SEPTIN9: variants seen among roughly 807,000 people sequenced by gnomAD.
SEPTIN9 encodes septin-9.
A neutral mutation model predicts 56.6 loss-of-function variants in SEPTIN9; 13 were observed. The observed-to-expected ratio is 0.23, with a 90% confidence interval of 0.15 to 0.37. The LOEUF is 0.37. Among genes scored for constraint, SEPTIN9 ranks in the 10% least tolerant of loss-of-function variants. The probability of loss-of-function intolerance (pLI) is 1.00; values close to 1 mark genes in which losing one functional copy is unlikely to be tolerated. For missense variants in SEPTIN9, 650 were observed against 823.1 expected (o/e 0.79, Z 2.57); for synonymous variants, 332 against 334.1 (o/e 0.99, Z 0.07).
At chr17:77,357,774 C>T (rs1381926004) in intron 2 of SEPTIN9, among the ~76,000 whole-genome samples, 2 of 152,152 alleles carry the variant, frequency 1.3e-5, no homozygotes, top group African/African-American at 4.8e-5. Context: ...ACCACCACAC[C>T]CAGCTTCATT....
In SEPTIN9 at chr17:77,326,681, T is replaced by C. The variant is rs912571405; in HGVS notation, c.76+19484T>C. 6.6e-6 allele frequency among the ~76,000 whole-genome samples: 1 copy of C among 152,176 alleles called. No individual in the cohort carries two copies. Among genetic ancestry groups the C allele is most frequent in the African/African-American group, 2.4e-5 (1 of 41,446 alleles). On this transcript the variant is annotated intron_variant, in intron 2 of 11. Transcript: ENST00000427177. The surrounding 1 kb of genome is among the most constrained non-coding windows in gnomAD (Gnocchi z 5.1). ...CCTAAAATCCTTGGAATCTCCAAAG[T>C]GATGTCTTTTTGGATGCTCATGATT...
At chr17:77,397,822 TG>T (rs1330148018) in intron 2 of SEPTIN9, among the ~76,000 whole-genome samples, 3 of 151,802 alleles carry the variant, frequency 2.0e-5, no homozygotes, top group African/African-American at 7.3e-5. Context: ...GCTAATTTTT[TG>T]TGTTTTTAGT....
intron 2 of SEPTIN9, among the ~76,000 whole-genome samples, chr17:77,390,686 C>T (rs1322182957): frequency 6.6e-6 from 1 of 152,036 alleles, no homozygotes; most frequent in Non-Finnish European, 1.5e-5. Context: ...CTCCTGACCT[C>T]GTGATCTGCC....
intron 3 of SEPTIN9, among the ~76,000 whole-genome samples, chr17:77,477,468 G>T (rs773588466): frequency 7.2e-5 from 11 of 152,210 alleles, no homozygotes; most frequent in East Asian, 1.9e-4. Context: ...GCGCACGCTC[G>T]TGCCTTTTTA....
At chr17:77,311,617 T>C (rs535922827) in intron 2 of SEPTIN9, among the ~76,000 whole-genome samples, 2 of 152,266 alleles carry the variant, frequency 1.3e-5, no homozygotes, top group East Asian at 3.9e-4. Context: ...CTCCTGACAA[T>C]TGGCTGTCAC....
At chr17:77,409,417 C>G (rs1367416046) in intron 3 of SEPTIN9, among the ~76,000 whole-genome samples, 2 of 152,290 alleles carry the variant, frequency 1.3e-5, no homozygotes, top group Non-Finnish European at 2.9e-5. Flanking sequence ...CTGCCAAGCA[C>G]CGTGCAGTGG....
At chr17:77,364,880 G>A (rs927426506) in intron 2 of SEPTIN9, among the ~76,000 whole-genome samples, 11 of 152,254 alleles carry the variant, frequency 7.2e-5, no homozygotes, top group African/African-American at 2.7e-4. Context: ...TCTCAGCTGT[G>A]CAGGCCCAGG....
chr17:77,500,049 TCCTGGGGAG>T lies in SEPTIN9; in HGVS notation c.*1392_*1400del. ...TCCTGCTTCCTGTTACCTGTCTTGC[TCCTGGGGAG>T]AAAGAGGGGCCTGATGAGACTCCAC... is the stretch of plus-strand genomic sequence containing the variant. On this transcript the variant is annotated 3_prime_UTR_variant, in exon 12 of 12. Coordinates refer to ENST00000427177, the MANE Select transcript of SEPTIN9 (RefSeq NM_001113491.2). 1 of 234,850 alleles carries T rather than the reference TCCTGGGGAG, an allele frequency of 4.3e-6. No individual in the cohort carries two copies. Among genetic ancestry groups the T allele is most frequent in the Non-Finnish European group, 8.4e-6 (1 of 119,332 alleles). The allele number at this position is 234,850 out of a possible 1,614,324, so 14.5% of individuals were successfully genotyped here.
At chr17:77,350,466 G>A (rs1027057802) in intron 2 of SEPTIN9, among the ~76,000 whole-genome samples, 3 of 152,186 alleles carry the variant, frequency 2.0e-5, no homozygotes, top group Non-Finnish European at 2.9e-5. Flanking sequence ...TGAGAGAGAC[G>A]AGAGAGAGGA....
Position 77,482,855 on chromosome 17 carries a change from G to C in SEPTIN9, c.913+520G>C, listed in dbSNP as rs1029989072. On this transcript the variant is annotated intron_variant, in intron 4 of 11. Transcript: ENST00000427177. ...GGAGGTCGTCGATCAGCACGACCTG[G>C]GCAGGGTGAGGGGGCCAGGCTGGAG... is the stretch of plus-strand genomic sequence containing the variant. 40 of 417,232 alleles carry C rather than the reference G, an allele frequency of 9.6e-5. No individual in the cohort carries two copies. The East Asian group carries it at 1.7e-3, about 18-fold the overall frequency. The allele number at this position is 417,232 out of a possible 1,614,324, so 25.8% of individuals were successfully genotyped here.
chr17:77,281,743 C>T (rs2031034008), intron 1 of SEPTIN9, 189 bp downstream of exon 1: 1 of 550,854 alleles, frequency 1.8e-6, no homozygotes, highest in African/African-American at 2.0e-5. Flanking sequence ...GCCGACCGTC[C>T]CCTGCGCTGT....
At chr17:77,440,335 A>G (rs987443219) in intron 3 of SEPTIN9, among the ~76,000 whole-genome samples, 1 of 151,898 alleles carries the variant, frequency 6.6e-6, no homozygotes, top group Admixed American at 6.6e-5. Flanking sequence ...TTGTATTTTT[A>G]GTAGAGATGG....
intron 3 of SEPTIN9, among the ~76,000 whole-genome samples, chr17:77,410,895 T>C: frequency 6.6e-6 from 1 of 152,082 alleles, no homozygotes; most frequent in East Asian, 1.9e-4. Context: ...GCTCCCATTC[T>C]CCCTGTGACC....
intron 2 of SEPTIN9, among the ~76,000 whole-genome samples, chr17:77,363,340 T>A (rs1297069444): frequency 1.4e-5 from 2 of 144,116 alleles, no homozygotes; most frequent in Non-Finnish European, 3.0e-5. Flanking sequence ...CACCCAGAGG[T>A]GGGAAGGTGA....
At chr17:77,382,761 G>T (rs1458346475) in intron 2 of SEPTIN9, among the ~76,000 whole-genome samples, 1 of 152,226 alleles carries the variant, frequency 6.6e-6, no homozygotes, top group African/African-American at 2.4e-5. Flanking sequence ...GGGTCGGGTG[G>T]GGGAGGAGAT....
chr17:77,495,294 C>T (rs549953458), intron 10 of SEPTIN9, among the ~76,000 whole-genome samples: 5 of 152,324 alleles, frequency 3.3e-5, no homozygotes, highest in African/African-American at 7.2e-5. Context: ...GCCCACTTTC[C>T]AGCAGTCTTA....
chr17:77,431,058 C>A (rs2037113232), intron 3 of SEPTIN9, among the ~76,000 whole-genome samples: 1 of 151,768 alleles, frequency 6.6e-6, no homozygotes, highest in South Asian at 2.1e-4. Flanking sequence ...GAAAAGCAAT[C>A]TTTGCTGGGC....
At chr17:77,485,129 GGGT>G (rs1331968563) in intron 4 of SEPTIN9, among the ~76,000 whole-genome samples, 1 of 146,142 alleles carries the variant, frequency 6.8e-6, no homozygotes, top group Admixed American at 6.8e-5. Flanking sequence ...GTGGTGATGT[GGGT>G]GGTGGTGGTG....
chr17:77,304,892 G>A (rs985755108), intron 1 of SEPTIN9, among the ~76,000 whole-genome samples: 1 of 152,150 alleles, frequency 6.6e-6, no homozygotes, highest in Non-Finnish European at 1.5e-5. Context: ...GTGGAAGTGA[G>A]CTCAGCTGGG....
Sources: gnomAD v4.1 joint callset for allele counts (sites outside exome capture counted in the v4.1 genomes callset) on GRCh38, gnomAD v4.1.1 for gene constraint, Gnocchi (gnomAD v3.1) non-coding constraint, MANE v1.5 for transcripts, NCBI Gene and HGNC (gene_info 2026-07-23, HGNC 2026-07-21) for gene names.